CHAT: variants seen among roughly 807,000 people sequenced by gnomAD.
The protein encoded by CHAT is choline O-acetyltransferase.
Under a neutral mutation model 76.9 loss-of-function variants are expected in CHAT, and 61 were observed. The ratio of observed to expected loss-of-function variants is 0.79; its 90% CI spans 0.65 to 0.98. The LOEUF is 0.98. CHAT is among the 50% of genes least tolerant of loss of function. The pLI is 0.00. For missense variants in CHAT, 946 were observed against 986.9 expected, an observed-to-expected ratio of 0.96 and a Z score of 0.56; for synonymous variants, 407 against 397.4, an observed-to-expected ratio of 1.02 and a Z score of -0.29.
At chr10:49,647,533 C>T (rs978589359) in intron 8 of CHAT, among the ~76,000 whole-genome samples, 5 of 152,168 alleles carry the variant, frequency 3.3e-5, no homozygotes, top group African/African-American at 1.2e-4. Flanking sequence ...TCTCTCTGTC[C>T]CTACATTCTG....
chr10:49,648,592 A>G lies in CHAT; in HGVS notation c.1367A>G (p.His456Arg). The G allele has an allele frequency of 1.9e-6, 3 of 1,612,854 alleles. No homozygotes were observed. Among genetic ancestry groups the G allele is most frequent in the Non-Finnish European group, 2.5e-6 (3 of 1,179,052 alleles). ...ATCGTCCTGGTGCAGTGCACTGAGC[A>G]TCTGCTCAAGCACGTGTGAGTCTGG... is the stretch of plus-strand genomic sequence containing the variant. Reference protein sequence around the residue: ...DGIVLVQCTEHLLKHVTQSSR... With the variant: ...DGIVLVQCTERLLKHVTQSSR... Residue 456 changes from histidine (H) to arginine (R), a missense_variant, in exon 9 of 15, where the codon CAT becomes CGT. By Grantham distance (29) the His-to-Arg change is conservative (BLOSUM62 0). This residue lies in a region of CHAT where 349 missense variants were observed against 393.9 expected (regional missense o/e 0.89). Coordinates refer to ENST00000337653, the MANE Select transcript of CHAT (RefSeq NM_020549.5).
At chr10:49,658,624 G>A (rs1047522701) in intron 13 of CHAT, among the ~76,000 whole-genome samples, 10 of 152,264 alleles carry the variant, frequency 6.6e-5, no homozygotes, top group South Asian at 4.1e-4. Context: ...CAGGAGAATC[G>A]CTTGAACCCG....
chr10:49,615,838 A>G lies in CHAT; in HGVS notation c.287-664A>G, dbSNP rs562778327. On this transcript the variant is annotated intron_variant, in intron 1 of 14. Coordinates refer to ENST00000337653, the MANE Select transcript of CHAT (RefSeq NM_020549.5). ...CCTGCATACCTCCCTGGGCACTCCT[A>G]TGGCATCTACACTGGCAGCCTGCAG... 4 of 599,558 alleles carry G rather than the reference A, an allele frequency of 6.7e-6. No homozygotes were observed. In the East Asian group the frequency reaches 8.3e-5, roughly 12 times the overall value. 37.1% of individuals were successfully genotyped at this position (599,558 alleles called of 1,614,324 possible).
intron 7 of CHAT, among the ~76,000 whole-genome samples, chr10:49,638,263 C>A (rs1839359918): frequency 6.6e-6 from 1 of 152,134 alleles, no homozygotes; most frequent in Admixed American, 6.6e-5. Flanking sequence ...TTTCTGCTTT[C>A]TTTTGATTAA....
At position 49,664,964 on chromosome 10, in the gene CHAT, GCA is replaced by G; in HGVS notation, c.2166_2167del (p.Cys722TrpfsTer7). 2 of 1,614,238 alleles carry G rather than the reference GCA, an allele frequency of 1.2e-6. No individual in the cohort carries two copies. Among genetic ancestry groups the G allele is most frequent in the Non-Finnish European group, 1.7e-6 (2 of 1,180,052 alleles). ...AGCCTCATTGACATGAGAGACCTCT[GCA>G]GTCTGCTGCCGCCTACTGAGAGCAA... On this transcript the variant is annotated frameshift_variant, in exon 15 of 15. Coordinates refer to ENST00000337653, the MANE Select transcript of CHAT (RefSeq NM_020549.5). LOFTEE classifies it low-confidence loss of function (END_TRUNC).
intron 5 of CHAT, among the ~76,000 whole-genome samples, chr10:49,622,701 G>A (rs531899834): frequency 5.9e-5 from 9 of 152,236 alleles, no homozygotes; most frequent in African/African-American, 1.4e-4. Flanking sequence ...GAGAGTAAGC[G>A]GGTCTGGAGG....
At chr10:49,646,916 C>A (rs1319227769) in intron 8 of CHAT, among the ~76,000 whole-genome samples, 1 of 152,222 alleles carries the variant, frequency 6.6e-6, no homozygotes, top group Non-Finnish European at 1.5e-5. Flanking sequence ...AGTGGCCGAA[C>A]CCAACTCAAA....
At chr10:49,621,750 G>T (rs1202235565) in intron 4 of CHAT, among the ~76,000 whole-genome samples, 3 of 152,044 alleles carry the variant, frequency 2.0e-5, no homozygotes, top group Admixed American at 1.3e-4. Context: ...TCTTCAAGAT[G>T]ATTCCAGTTT....
chr10:49,649,533 C>T lies in CHAT; in HGVS notation c.1408C>T (p.Arg470Ter), dbSNP rs142889639. The T allele has an allele frequency of 3.7e-6, 6 of 1,613,714 alleles. No individual in the cohort carries two copies. Among genetic ancestry groups the T allele is most frequent in the African/African-American group, 2.7e-5 (2 of 74,942 alleles). Residue 470 changes from arginine (R) to a stop codon, truncating the protein, a stop_gained, in exon 10 of 15, where the codon CGA (arginine) becomes TGA (stop). Transcript: ENST00000337653. LOFTEE classifies it high-confidence loss of function. ...GACGCAGAGCAGCAGGAAGCTGATC[C>T]GAGCAGACTCCGTCAGCGAGCTCCC... Reference protein sequence around the residue: ...HVTQSSRKLIRADSVSELPAP... With the variant: ...HVTQSSRKLI
Position 49,667,456 on chromosome 10 carries a change from T to C in CHAT, c.*2410T>C, listed in dbSNP as rs10857529. On this transcript the variant is annotated 3_prime_UTR_variant, in exon 15 of 15. Coordinates refer to ENST00000337653, the MANE Select transcript of CHAT (RefSeq NM_020549.5). ...ATCAAACTATGCACTGTGAGGGCTATGAGAAGCGCAAACAGTAAACGCTTG... is the reference window on the plus strand; with the variant it reads ...ATCAAACTATGCACTGTGAGGGCTACGAGAAGCGCAAACAGTAAACGCTTG... Among the ~76,000 whole-genome samples, 60,918 of 152,200 alleles carry C rather than the reference T, an allele frequency of 0.4. 12,750 individuals are homozygous for C. Among genetic ancestry groups the C allele is most frequent in the East Asian group, 0.69 (3,571 of 5,184 alleles).
At chr10:49,610,699 G>T (rs1413529489), upstream of CHAT, 1 of 1,456,594 alleles carries the variant, frequency 6.9e-7, no homozygotes, top group Middle Eastern at 2.1e-4. Context: ...CCAGCGCTCG[G>T]CCCTGGCGGA....
intron 7 of CHAT, among the ~76,000 whole-genome samples, chr10:49,641,086 C>G (rs1052490489): frequency 4.6e-5 from 7 of 152,210 alleles, no homozygotes; most frequent in Non-Finnish European, 1.0e-4. Context: ...TACAAGCCAC[C>G]TTCTCACTGT....
At chr10:49,630,190 C>T (rs751637087) in intron 7 of CHAT, among the ~76,000 whole-genome samples, 2 of 151,952 alleles carry the variant, frequency 1.3e-5, no homozygotes, top group African/African-American at 2.4e-5. Context: ...GACATCAGCG[C>T]ATAAATGATC....
intron 14 of CHAT, 146 bp from the exon 15 acceptor site, chr10:49,664,631 C>T (rs1564498559): frequency 9.2e-7 from 1 of 1,082,954 alleles, no homozygotes; most frequent in Non-Finnish European, 1.4e-6. Flanking sequence ...TTTTATGACT[C>T]TGGCTGTGTC....
chr10:49,622,204 C>G (rs1428070808), intron 5 of CHAT, 54 bp downstream of exon 5: 6 of 1,568,910 alleles, frequency 3.8e-6, no homozygotes, highest in African/African-American at 1.4e-5. Context: ...ATGCGTCTAT[C>G]TCCCTTGCAG....
chr10:49,652,394 A>C (rs1839908660), intron 11 of CHAT, among the ~76,000 whole-genome samples: 1 of 152,174 alleles, frequency 6.6e-6, no homozygotes, highest in African/African-American at 2.4e-5. Context: ...AATCTTGCTA[A>C]GGAAATGGAA....
intron 7 of CHAT, among the ~76,000 whole-genome samples, chr10:49,631,205 G>T (rs1839107403): frequency 6.6e-6 from 1 of 152,146 alleles, no homozygotes; most frequent in Admixed American, 6.5e-5. Context: ...AGTCTGCTCA[G>T]GCAGCCGTAA....
intron 3 of CHAT, among the ~76,000 whole-genome samples, chr10:49,620,148 CG>C (rs1564472391): frequency 6.6e-6 from 1 of 151,484 alleles, no homozygotes; most frequent in African/African-American, 2.4e-5. Context: ...GAGAAAGAGG[CG>C]GACAAATCGG....
upstream of CHAT, chr10:49,611,062 G>A (rs770222638): frequency 1.2e-6 from 2 of 1,613,964 alleles, no homozygotes; most frequent in Middle Eastern, 1.6e-4. Flanking sequence ...GTGGCCAGCG[G>A]GCTCAGCCCT....
Sources: allele counts gnomAD v4.1 joint callset (sites outside exome capture counted in the v4.1 genomes callset), GRCh38; gene constraint gnomAD v4.1.1; regional missense constraint gnomAD v4.1.1; transcripts MANE v1.5; gene names NCBI Gene and HGNC (gene_info 2026-07-23, HGNC 2026-07-21).